The following KCTD1 variants were observed in gnomAD, a reference collection of about 807,000 sequenced individuals.
KCTD1 encodes potassium channel tetramerization domain containing 1, also known as BTB/POZ domain-containing protein KCTD1.
KCTD1 carries 24 observed loss-of-function variants against 66.0 expected under a neutral mutation model. That is an observed-to-expected ratio of 0.36 (90% CI 0.26 to 0.51). KCTD1 has a LOEUF of 0.51. Among genes scored for constraint, KCTD1 ranks in the 20% least tolerant of loss-of-function variants. KCTD1 has a pLI of 0.95. For missense variants in KCTD1, 943 were observed against 1,205.2 expected (o/e 0.78, Z 3.22); for synonymous variants, 511 against 517.2 (o/e 0.99, Z 0.16).
intron 1 of KCTD1, among the ~76,000 whole-genome samples, chr18:26,542,512 A>G (rs942784991): frequency 6.6e-6 from 1 of 152,196 alleles, no homozygotes; most frequent in Non-Finnish European, 1.5e-5. Flanking sequence ...AATGGCAGTT[A>G]AAACACCAAA....
At chr18:26,580,761 A>G (rs555547342) in intron 1 of KCTD1, among the ~76,000 whole-genome samples, 1 of 152,324 alleles carries the variant, frequency 6.6e-6, no homozygotes, top group South Asian at 2.1e-4. Context: ...ATTATATTTT[A>G]CATTTTTTAA....
At chr18:26,650,050 A>G (rs1359862578) in intron 1 of KCTD1, among the ~76,000 whole-genome samples, 2 of 152,314 alleles carry the variant, frequency 1.3e-5, no homozygotes, top group South Asian at 2.1e-4. Flanking sequence ...TGGAAATCCC[A>G]TGACAACTGT....
intron 1 of KCTD1, among the ~76,000 whole-genome samples, chr18:26,529,850 G>A (rs1984352651): frequency 6.6e-6 from 1 of 152,214 alleles, no homozygotes; most frequent in Non-Finnish European, 1.5e-5. Flanking sequence ...AGTAAAACAG[G>A]ATTAGTGACA....
intron 1 of KCTD1, among the ~76,000 whole-genome samples, chr18:26,597,692 C>T (rs1986799523): frequency 7.2e-6 from 1 of 139,526 alleles, no homozygotes; most frequent in Non-Finnish European, 1.5e-5. Flanking sequence ...CTTGCTCTGT[C>T]ACCTAGGCTG....
chr18:26,504,731 G>A (rs1567971513), intron 1 of KCTD1, among the ~76,000 whole-genome samples: 1 of 152,292 alleles, frequency 6.6e-6, no homozygotes, highest in South Asian at 2.1e-4. Context: ...GGGGCTGAGA[G>A]TTTGGGCACT....
At chr18:26,611,373 T>G (rs1247300673) in intron 1 of KCTD1, among the ~76,000 whole-genome samples, 1 of 151,878 alleles carries the variant, frequency 6.6e-6, no homozygotes. Flanking sequence ...TGTTTTGAGA[T>G]GGAGTCTCTC....
At chr18:26,513,254 A>AT (rs1290254470) in intron 1 of KCTD1, among the ~76,000 whole-genome samples, 10 of 151,994 alleles carry the variant, frequency 6.6e-5, no homozygotes, top group Middle Eastern at 6.8e-3. Flanking sequence ...CGCCGGGCTA[A>AT]TTTTTTGTAT....
chr18:26,570,292 CT>C (rs1437146383), intron 1 of KCTD1, among the ~76,000 whole-genome samples: 4 of 151,084 alleles, frequency 2.6e-5, no homozygotes, highest in African/African-American at 9.7e-5. Context: ...TGGAAAAAGG[CT>C]TCTCATTGGG....
At chr18:26,570,521 G>T (rs1337522924) in intron 1 of KCTD1, among the ~76,000 whole-genome samples, 1 of 152,066 alleles carries the variant, frequency 6.6e-6, no homozygotes, top group Non-Finnish European at 1.5e-5. Context: ...CTATATTCCT[G>T]CCTCAGCCTC....
At chr18:26,560,415 C>T (rs1321101128) in intron 1 of KCTD1, among the ~76,000 whole-genome samples, 1 of 152,104 alleles carries the variant, frequency 6.6e-6, no homozygotes, top group African/African-American at 2.4e-5. Context: ...TGCAGTGGTT[C>T]CTGCGATTGG....
Position 26,476,595 on chromosome 18 carries a change from T to C in KCTD1, c.2053A>G (p.Ile685Val), listed in dbSNP as rs1290255096. ...VLDSLKQHYF[I>V]DRDGQMFRYI... ...CTGAACATCTGTCCATCTCTGTCAA[T>C]GAAATAGTGCTGTTTGAGACTGTCC... is the stretch of plus-strand genomic sequence containing the variant. Residue 685 changes from isoleucine (I) to valine (V), a missense_variant, in exon 3 of 5, where the codon ATT becomes GTT. By Grantham distance (29) the Ile-to-Val change is conservative (BLOSUM62 3). Around this residue, in one of 10 missense-constraint regions of KCTD1, gnomAD observed 41 missense variants for 103.8 expected, o/e 0.39. Transcript: ENST00000580059. This position sits in a 1 kb window ranked among gnomAD's most constrained non-coding sequence, Gnocchi z 4.9. 6.2e-7 allele frequency: 1 copy of C among 1,612,988 alleles called. No individual in the cohort carries two copies.
intron 1 of KCTD1, among the ~76,000 whole-genome samples, chr18:26,609,478 G>A (rs958911973): frequency 5.9e-5 from 9 of 152,326 alleles, no homozygotes; most frequent in African/African-American, 1.9e-4. Flanking sequence ...GGACCACCAT[G>A]TCTAAAAGTG....
chr18:26,518,871 C>T (rs776083419), intron 1 of KCTD1, among the ~76,000 whole-genome samples: 8 of 152,274 alleles, frequency 5.3e-5, no homozygotes, highest in East Asian at 1.9e-4. Context: ...CTCTGTTTTC[C>T]GGTGATTCTG....
Position 26,488,507 on chromosome 18 carries a change from C to T in KCTD1, c.1989-11848G>A, listed in dbSNP as rs535496337. On this transcript the variant is annotated intron_variant, in intron 2 of 4. Coordinates refer to ENST00000580059, the MANE Select transcript of KCTD1 (RefSeq NM_001142730.3). The stretch of plus-strand genomic sequence containing the variant: ...CTATTTTTTGAAAATCAATTTTTGG[C>T]GGGGTGGGAGGGGCCTCGCCAAGTT... Among the ~76,000 whole-genome samples, 194 of 151,880 alleles carry T rather than the reference C, an allele frequency of 1.3e-3. 1 individual carries two copies. Among genetic ancestry groups the T allele is most frequent in the Non-Finnish European group, 1.2e-3 (82 of 67,934 alleles).
At chr18:26,494,319 T>G (rs1982357061) in intron 2 of KCTD1, among the ~76,000 whole-genome samples, 1 of 152,178 alleles carries the variant, frequency 6.6e-6, no homozygotes, top group South Asian at 2.1e-4. Flanking sequence ...TACAATGAGC[T>G]ATGATCCTGC....
chr18:26,516,034 G>T (rs1390263757), intron 1 of KCTD1, among the ~76,000 whole-genome samples: 1 of 152,126 alleles, frequency 6.6e-6, no homozygotes, highest in Non-Finnish European at 1.5e-5. Context: ...AGAAGAAAAG[G>T]GGTCAGGGTC....
At chr18:26,656,022 G>A (rs76620564) in intron 1 of KCTD1, among the ~76,000 whole-genome samples, 2 of 152,070 alleles carry the variant, frequency 1.3e-5, no homozygotes, top group South Asian at 2.1e-4. Context: ...CAATAAAGAA[G>A]GGTGGCGGGA....
chr18:26,606,211 T>C (rs930296170), intron 1 of KCTD1, among the ~76,000 whole-genome samples: 2 of 152,164 alleles, frequency 1.3e-5, no homozygotes, highest in South Asian at 4.1e-4. Flanking sequence ...TCAGAGAGAT[T>C]AGTTTGTAAA....
At chr18:26,482,730 G>A (rs557942028) in intron 2 of KCTD1, among the ~76,000 whole-genome samples, 1 of 152,296 alleles carries the variant, frequency 6.6e-6, no homozygotes, top group East Asian at 1.9e-4. Context: ...AGGCCAGCAG[G>A]TTAATCCTTT....
Sources: gnomAD v4.1 joint callset for allele counts (sites outside exome capture counted in the v4.1 genomes callset) on GRCh38, gnomAD v4.1.1 for gene constraint, gnomAD v4.1.1 regional missense constraint, Gnocchi (gnomAD v3.1) non-coding constraint, MANE v1.5 for transcripts, NCBI Gene and HGNC (gene_info 2026-07-23, HGNC 2026-07-21) for gene names.